The following QTMAN variants were observed in gnomAD, a reference collection of about 807,000 sequenced individuals.
QTMAN encodes queuosine-tRNA mannosyltransferase, also known as tRNA-queuosine alpha-mannosyltransferase.
the QTMAN span, chr2:144,179,038 A>T: frequency 2.2e-6 from 1 of 452,290 alleles, no homozygotes; most frequent in Non-Finnish European, 4.5e-6. Flanking sequence ...TACGGCTAGC[A>T]TTTTGAGTAT....
At chr2:144,174,738 T>A in the QTMAN span, among the ~76,000 whole-genome samples, 2 of 152,146 alleles carry the variant, frequency 1.3e-5, no homozygotes, top group Non-Finnish European at 2.9e-5. Flanking sequence ...TAACACACAC[T>A]CTCTTGCCTG....
At chr2:144,259,689 T>C in the QTMAN span, among the ~76,000 whole-genome samples, 1 of 152,200 alleles carries the variant, frequency 6.6e-6, no homozygotes, top group Admixed American at 6.5e-5. Context: ...AAAATTGTTA[T>C]TTTATAATTA....
chr2:144,229,584 C>T, the QTMAN span, among the ~76,000 whole-genome samples: 1 of 152,140 alleles, frequency 6.6e-6, no homozygotes, highest in African/African-American at 2.4e-5. Flanking sequence ...GAGTCAGGAG[C>T]AATCACTCAT....
At chr2:143,952,752 A>G in the QTMAN span, 1 of 1,441,598 alleles carries the variant, frequency 6.9e-7, no homozygotes, top group Admixed American at 1.7e-5. Flanking sequence ...AATAAAGATG[A>G]ATGTACATTA....
At chr2:144,087,452 T>G in the QTMAN span, among the ~76,000 whole-genome samples, 12 of 152,174 alleles carry the variant, frequency 7.9e-5, no homozygotes, top group Non-Finnish European at 1.6e-4. Context: ...TCCTAACTCA[T>G]TCTATGAGGC....
the QTMAN span, among the ~76,000 whole-genome samples, chr2:144,267,156 A>G: frequency 6.6e-6 from 1 of 152,224 alleles, no homozygotes; most frequent in Non-Finnish European, 1.5e-5. Context: ...AATGATGTGA[A>G]ATAGAACTCT....
At chr2:144,067,091 C>A in the QTMAN span, among the ~76,000 whole-genome samples, 1 of 152,316 alleles carries the variant, frequency 6.6e-6, no homozygotes, top group South Asian at 2.1e-4. Context: ...CTTTTACACT[C>A]ATTATTTTAT....
the QTMAN span, among the ~76,000 whole-genome samples, chr2:143,982,324 A>C: frequency 6.6e-6 from 1 of 151,472 alleles, no homozygotes; most frequent in East Asian, 2.0e-4. Flanking sequence ...TCTGCCTCCC[A>C]GGTTCAAGCA....
At chr2:144,103,820 T>C in the QTMAN span, among the ~76,000 whole-genome samples, 1 of 152,184 alleles carries the variant, frequency 6.6e-6, no homozygotes, top group Non-Finnish European at 1.5e-5. Flanking sequence ...CCAGGCAGGG[T>C]GGCTCACACC....
the QTMAN span, among the ~76,000 whole-genome samples, chr2:144,255,826 A>G: frequency 6.6e-6 from 1 of 152,340 alleles, no homozygotes; most frequent in South Asian, 2.1e-4. Context: ...TAACACAAAG[A>G]GCAAAACTGA....
the QTMAN span, among the ~76,000 whole-genome samples, chr2:144,195,405 T>C: frequency 1.3e-5 from 2 of 152,108 alleles, no homozygotes; most frequent in East Asian, 3.8e-4. Flanking sequence ...ATGTAAAACA[T>C]ATGCATGCTG....
the QTMAN span, among the ~76,000 whole-genome samples, chr2:143,969,338 A>G: frequency 1.3e-5 from 2 of 152,302 alleles, no homozygotes; most frequent in African/African-American, 2.4e-5. Context: ...ATGTGTAGAC[A>G]TAAGTGTTCC....
chr2:144,204,435 A>G, the QTMAN span, among the ~76,000 whole-genome samples: 2 of 152,216 alleles, frequency 1.3e-5, no homozygotes, highest in Non-Finnish European at 2.9e-5. Context: ...AATCAAAACC[A>G]CAATGAGATA....
chr2:144,042,925 C>T, the QTMAN span, among the ~76,000 whole-genome samples: 1 of 152,038 alleles, frequency 6.6e-6, no homozygotes, highest in East Asian at 1.9e-4. Context: ...TTTTGCATGC[C>T]TGCCAGTTTG....
At chr2:144,244,037 T>C in the QTMAN span, among the ~76,000 whole-genome samples, 2 of 152,256 alleles carry the variant, frequency 1.3e-5, no homozygotes, top group African/African-American at 4.8e-5. Context: ...ATCATGTGAA[T>C]GTTTTCCACT....
At chr2:144,025,177 T>C in the QTMAN span, among the ~76,000 whole-genome samples, 1 of 152,078 alleles carries the variant, frequency 6.6e-6, no homozygotes, top group South Asian at 2.1e-4. Context: ...TCTAACAGCC[T>C]ATATAAGAAA....
the QTMAN span, among the ~76,000 whole-genome samples, chr2:144,147,671 C>T: frequency 6.6e-6 from 1 of 151,718 alleles, no homozygotes; most frequent in African/African-American, 2.4e-5. Flanking sequence ...GTTTTTCACA[C>T]ACAAGGCAGA....
At chr2:143,983,042 T>C in the QTMAN span, among the ~76,000 whole-genome samples, 2 of 152,286 alleles carry the variant, frequency 1.3e-5, no homozygotes, top group East Asian at 3.9e-4. Context: ...ATTTTAAATG[T>C]ATATTTTTAA....
chr2:143,969,912 T>G, the QTMAN span, among the ~76,000 whole-genome samples: 1 of 152,158 alleles, frequency 6.6e-6, no homozygotes, highest in African/African-American at 2.4e-5. Context: ...TCCTTAGGAG[T>G]CATAATGCAC....
Sources: allele counts gnomAD v4.1 joint callset (sites outside exome capture counted in the v4.1 genomes callset), GRCh38; gene constraint gnomAD v4.1.1; transcripts MANE v1.5; gene names NCBI Gene and HGNC (gene_info 2026-07-23, HGNC 2026-07-21).